The following SEMA7A variants were observed in gnomAD, a reference collection of about 807,000 sequenced individuals.
The protein encoded by SEMA7A is semaphorin-7A.
Under a neutral mutation model 67.5 loss-of-function variants are expected in SEMA7A, and 21 were observed. The observed-to-expected ratio is 0.31, with a 90% CI of 0.22 to 0.45. SEMA7A has a LOEUF of 0.45. Ranked by LOEUF, SEMA7A falls within the 20% of genes least tolerant of loss-of-function variation. The pLI, the probability that SEMA7A is intolerant of heterozygous loss-of-function variation, is 1.00. For missense variants in SEMA7A, 774 were observed against 908.6 expected (o/e 0.85, Z 1.90); for synonymous variants, 364 against 368.5 (o/e 0.99, Z 0.14).
intron 10 of SEMA7A, among the ~76,000 whole-genome samples, chr15:74,412,220 C>A (rs1333913127): frequency 6.6e-6 from 1 of 152,140 alleles, no homozygotes; most frequent in Non-Finnish European, 1.5e-5. Flanking sequence ...AGAGGCCATC[C>A]CAGGAGGCCC....
intron 1 of SEMA7A, among the ~76,000 whole-genome samples, chr15:74,426,414 C>T (rs1452056379): frequency 6.6e-6 from 1 of 152,236 alleles, no homozygotes; most frequent in Non-Finnish European, 1.5e-5. Context: ...GCTTCAGGTA[C>T]ACCAGGTATC....
In SEMA7A at chr15:74,433,948, C is replaced by A; in HGVS notation, c.-30G>T. On this transcript the variant is annotated 5_prime_UTR_variant, in exon 1 of 14. Coordinates refer to ENST00000261918, the MANE Select transcript of SEMA7A (RefSeq NM_003612.5). ...TGGCCCCGGGAGCGACAGCGGCAAT[C>A]AGCCGAGACTGAGCCAGCGCCCGGC... The A allele has an allele frequency of 8.1e-7, 1 of 1,239,378 alleles. No individual in the cohort carries two copies. The highest frequency in any genetic ancestry group is 1.0e-6 in the Non-Finnish European group (1 of 993,446). The allele number at this position is 1,239,378 out of a possible 1,614,324, so 76.8% of individuals were successfully genotyped here.
chr15:74,416,548 G>A, intron 7 of SEMA7A, 27 bp downstream of exon 7: 2 of 1,610,064 alleles, frequency 1.2e-6, no homozygotes, highest in South Asian at 2.2e-5. Flanking sequence ...CAGACACGTA[G>A]CCAGCAGCCC....
rs577961502 is a variant in SEMA7A at position 74,416,562 on chromosome 15, C to T, written c.801+13G>A. The T allele has an allele frequency of 2.9e-4, 461 of 1,612,636 alleles. 12 individuals are homozygous for T. The South Asian group carries it at 4.1e-3, about 14-fold the overall frequency. On this transcript the variant is annotated intron_variant, in intron 7 of 13. Transcript: ENST00000261918. ...ACAGACACGTAGCCAGCAGCCCTCA[C>T]GCCCCTGCTCACCCTGCACAACTGG...
rs140327601 is a variant in SEMA7A, at chr15:74,417,620, G to A, written c.521C>T (p.Pro174Leu). 3.4e-4 allele frequency: 545 copies of A among 1,612,780 alleles called. 1 individual carries two copies. The highest frequency in any genetic ancestry group is 4.1e-4 in the Non-Finnish European group (484 of 1,179,904). ...AAACAGAACCAGGGAGTTCTCGTCCGGGCTGAAGGGGGCGTAGCCTCTCAT... is the reference window on the plus strand; with the variant it reads ...AAACAGAACCAGGGAGTTCTCGTCCAGGCTGAAGGGGGCGTAGCCTCTCAT... ...GEMRGYAPFS[P>L]DENSLVLFEG... is the part of the protein sequence containing the mutation. The change falls in exon 5 of 14, where the codon CCG (proline) becomes CTG (leucine). Residue 174 changes from proline (P) to leucine (L), a missense_variant. By Grantham distance (98) the Pro-to-Leu change is moderately conservative. Transcript: ENST00000261918.
chr15:74,416,065 A>G (rs2060945542), intron 7 of SEMA7A, 80 bp from the exon 8 acceptor site: 2 of 1,411,564 alleles, frequency 1.4e-6, no homozygotes, highest in East Asian at 2.3e-5. Context: ...ACTGCCAGCA[A>G]TATCAACACC....
intron 1 of SEMA7A, chr15:74,427,371 T>C: frequency 1.0e-6 from 1 of 985,490 alleles, no homozygotes. Flanking sequence ...AACAGATTCC[T>C]GGGCCACCAA....
In SEMA7A at chr15:74,410,208, G is replaced by A. The variant is rs763403357; in HGVS notation, c.*416C>T. 35 of 172,600 alleles carry A rather than the reference G, an allele frequency of 2.0e-4. No homozygotes were observed. Among genetic ancestry groups the A allele is most frequent in the Admixed American group, 1.2e-3 (20 of 16,592 alleles). 10.7% of individuals were successfully genotyped at this position (172,600 alleles called of 1,614,324 possible). A position where few individuals can be genotyped will look rare whatever the true frequency, so the allele number is the denominator to read the frequency against. ...GAGAGAGGGAGGGGAAGGAGGCAAT[G>A]TGGGTACCAAGAGTCCAGAAGGACT... On this transcript the variant is annotated 3_prime_UTR_variant, in exon 14 of 14. Coordinates refer to ENST00000261918, the MANE Select transcript of SEMA7A (RefSeq NM_003612.5). This position sits in a 1 kb window ranked among gnomAD's most constrained non-coding sequence, Gnocchi z 7.5.
chr15:74,419,122 G>A (rs1346698843), intron 1 of SEMA7A, among the ~76,000 whole-genome samples, 170 bp from the exon 2 acceptor site: 1 of 152,224 alleles, frequency 6.6e-6, no homozygotes, highest in Non-Finnish European at 1.5e-5. Flanking sequence ...TCAAGGACAG[G>A]AGAAGTAAGA....
Position 74,425,101 on chromosome 15 carries a change from C to T in SEMA7A, c.179-6149G>A, listed in dbSNP as rs527939209. Among the ~76,000 whole-genome samples, 4 of 152,304 alleles carry T rather than the reference C, an allele frequency of 2.6e-5. No individual in the cohort carries two copies. In the South Asian group the frequency reaches 8.3e-4, roughly 32 times the overall value. ...GCAAGGGCAGCCAGCCAGCAAAGCC[C>T]ATTAGGGAGAACTGGCAGGGGCTGG... On this transcript the variant is annotated intron_variant, in intron 1 of 13. Coordinates refer to ENST00000261918, the MANE Select transcript of SEMA7A (RefSeq NM_003612.5).
In SEMA7A at chr15:74,411,074, C is replaced by A; in HGVS notation, c.1640-89G>T. On this transcript the variant is annotated intron_variant, in intron 13 of 13. Coordinates refer to ENST00000261918, the MANE Select transcript of SEMA7A (RefSeq NM_003612.5). The surrounding 1 kb of genome is among the most constrained non-coding windows in gnomAD (Gnocchi z 4.4). ...CTCCCCACGGACTGGGATCCCAGGA[C>A]AAGGCTTCTGAATGAACGTGGGGAA... 6.6e-7 allele frequency: 1 copy of A among 1,522,248 alleles called. No homozygotes were observed. The highest frequency in any genetic ancestry group is 8.8e-7 in the Non-Finnish European group (1 of 1,137,058). The allele number at this position is 1,522,248 out of a possible 1,614,324, so 94.3% of individuals were successfully genotyped here.
Position 74,409,384 on chromosome 15 carries a change from C to G in SEMA7A, c.*1240G>C, listed in dbSNP as rs945323301. The stretch of plus-strand genomic sequence containing the variant: ...AAGCTGGAAGGCCACTGGCCCCAGC[C>G]ACTGCCCTGGGTGGCCAGACACAGC... On this transcript the variant is annotated 3_prime_UTR_variant, in exon 14 of 14. Transcript: ENST00000261918. 2 of 152,310 alleles carry G rather than the reference C, an allele frequency of 1.3e-5. No homozygotes were observed. The highest frequency in any genetic ancestry group is 4.8e-5 in the African/African-American group (2 of 41,480). The allele number at this position is 152,310 out of a possible 1,614,324, so 9.4% of individuals were successfully genotyped here.
chr15:74,420,551 C>T (rs2060991865), intron 1 of SEMA7A, among the ~76,000 whole-genome samples: 1 of 152,210 alleles, frequency 6.6e-6, no homozygotes, highest in Non-Finnish European at 1.5e-5. Context: ...CCCCAAGCCT[C>T]CCTCCCTGTA....
Position 74,433,907 on chromosome 15 carries a change from A to G in SEMA7A, c.12T>C (p.Pro4=). The part of the protein sequence containing the change: MTP[P]PPGRAAPSAP... The stretch of plus-strand genomic sequence containing the variant: ...CGCTGGGGGCGGCACGTCCGGGCGG[A>G]GGAGGCGTCATCCCGTGGCCCCGGG... Residue 4 remains proline, a synonymous_variant, in exon 1 of 14, where the codon CCT becomes CCC. Transcript: ENST00000261918. The G allele has an allele frequency of 8.0e-7, 1 of 1,253,828 alleles. No individual in the cohort carries two copies. Among genetic ancestry groups the G allele is most frequent in the Non-Finnish European group, 1.0e-6 (1 of 1,002,948 alleles). The allele number at this position is 1,253,828 out of a possible 1,614,324, so 77.7% of individuals were successfully genotyped here.
intron 1 of SEMA7A, among the ~76,000 whole-genome samples, chr15:74,422,244 G>A (rs181794922): frequency 5.9e-5 from 9 of 152,106 alleles, no homozygotes; most frequent in Admixed American, 5.9e-4. Flanking sequence ...CCCATCCTCT[G>A]GCGTCCCCCA....
intron 1 of SEMA7A, among the ~76,000 whole-genome samples, chr15:74,425,161 T>A (rs1292851100): frequency 1.3e-5 from 2 of 152,192 alleles, no homozygotes; most frequent in Non-Finnish European, 2.9e-5. Context: ...AAACCAGAGA[T>A]GCCAGAGGAG....
Position 74,418,319 on chromosome 15 carries a change from G to T in SEMA7A, c.331-10C>A, listed in dbSNP as rs1229649453. On this transcript the variant is annotated splice_polypyrimidine_tract_variant and intron_variant, in intron 2 of 13. Coordinates refer to ENST00000261918, the MANE Select transcript of SEMA7A (RefSeq NM_003612.5). ...TGGAGCCGATATTCACCTGGGGGAA[G>T]GGGAGAAGCATTAGTTCAATCTGCC... is the stretch of plus-strand genomic sequence containing the variant. 1.9e-6 allele frequency: 3 copies of T among 1,612,534 alleles called. No homozygotes were observed. In the South Asian group the frequency reaches 3.3e-5, roughly 18 times the overall value.
At chr15:74,426,753 G>A (rs2061047068) in intron 1 of SEMA7A, among the ~76,000 whole-genome samples, 1 of 152,180 alleles carries the variant, frequency 6.6e-6, no homozygotes, top group South Asian at 2.1e-4. Flanking sequence ...TCCAGCCTGG[G>A]AGACAGTGAG....
intron 1 of SEMA7A, among the ~76,000 whole-genome samples, chr15:74,420,718 C>A (rs1375626248): frequency 6.6e-6 from 1 of 152,126 alleles, no homozygotes; most frequent in Non-Finnish European, 1.5e-5. Context: ...ACTCAGCTCC[C>A]GTAACTCCCC....
Sources: gnomAD v4.1 joint callset for allele counts (sites outside exome capture counted in the v4.1 genomes callset) on GRCh38, gnomAD v4.1.1 for gene constraint, Gnocchi (gnomAD v3.1) non-coding constraint, MANE v1.5 for transcripts, NCBI Gene and HGNC (gene_info 2026-07-23, HGNC 2026-07-21) for gene names.